The following CNTN5 variants were observed in gnomAD, a reference collection of about 807,000 sequenced individuals.
The protein encoded by CNTN5 is contactin 5, also known as contactin-5.
Under a neutral mutation model 129.1 loss-of-function variants are expected in CNTN5, and 77 were observed. The ratio of observed to expected loss-of-function variants is 0.60; its 90% CI spans 0.50 to 0.72. The LOEUF (loss-of-function observed/expected upper bound fraction) is 0.72. Ranked by LOEUF, CNTN5 falls within the 30% of genes least tolerant of loss-of-function variation. The probability of loss-of-function intolerance (pLI) is 0.00; values close to 1 mark genes in which losing one functional copy is unlikely to be tolerated. For synonymous variants in CNTN5, 509 were observed against 465.6 expected, an observed-to-expected ratio of 1.09 and a Z score of -1.20; for missense variants, 1,478 against 1,328.8, an observed-to-expected ratio of 1.11 and a Z score of -1.75.
chr11:99,253,453 A>C (rs1455704009), intron 1 of CNTN5, among the ~76,000 whole-genome samples: 1 of 152,060 alleles, frequency 6.6e-6, no homozygotes, highest in African/African-American at 2.4e-5. Flanking sequence ...TTTTGTAATA[A>C]ATTTGTATAC....
chr11:100,256,047 C>T, intron 17 of CNTN5, 129 bp downstream of exon 17: 1 of 802,968 alleles, frequency 1.2e-6, no homozygotes, highest in Middle Eastern at 3.0e-4. Context: ...ACAATATTGA[C>T]AATTCTTTGC....
intron 2 of CNTN5, among the ~76,000 whole-genome samples, chr11:99,530,920 C>A (rs1947679695): frequency 6.6e-6 from 1 of 152,180 alleles, no homozygotes; most frequent in Admixed American, 6.5e-5. Flanking sequence ...TCTTTATCAG[C>A]AGCATGAAAA....
intron 1 of CNTN5, among the ~76,000 whole-genome samples, chr11:99,144,287 C>A: frequency 6.6e-6 from 1 of 152,204 alleles, no homozygotes; most frequent in East Asian, 1.9e-4. Flanking sequence ...TATTTGGAAT[C>A]ATTCAAGGAA....
At chr11:99,885,029 T>A (rs1344988876) in intron 6 of CNTN5, among the ~76,000 whole-genome samples, 1 of 152,122 alleles carries the variant, frequency 6.6e-6, no homozygotes, top group Admixed American at 6.6e-5. Context: ...ACACCTGTAA[T>A]GACAGCACTC....
chr11:100,187,622 G>C (rs1452657754), intron 13 of CNTN5, among the ~76,000 whole-genome samples: 1 of 152,026 alleles, frequency 6.6e-6, no homozygotes, highest in Non-Finnish European at 1.5e-5. Flanking sequence ...ACTGAATAGA[G>C]AAACCAGAAA....
At chr11:99,340,286 A>C (rs1235945596) in intron 2 of CNTN5, among the ~76,000 whole-genome samples, 1 of 152,194 alleles carries the variant, frequency 6.6e-6, no homozygotes, top group Non-Finnish European at 1.5e-5. Flanking sequence ...TTAGCAGGAC[A>C]TATAAATTTG....
chr11:99,581,643 T>C (rs975573437), intron 3 of CNTN5, among the ~76,000 whole-genome samples: 1 of 152,224 alleles, frequency 6.6e-6, no homozygotes, highest in Non-Finnish European at 1.5e-5. Flanking sequence ...TATCCGAGAC[T>C]AGGATTGCAA....
intron 1 of CNTN5, among the ~76,000 whole-genome samples, chr11:99,071,912 A>T (rs1370406014): frequency 6.6e-6 from 1 of 151,902 alleles, no homozygotes; most frequent in Non-Finnish European, 1.5e-5. Flanking sequence ...GTTTAAGCTA[A>T]GGCATAAAGG....
chr11:99,971,894 C>T (rs926058663), intron 8 of CNTN5, among the ~76,000 whole-genome samples: 3 of 150,610 alleles, frequency 2.0e-5, no homozygotes, highest in African/African-American at 4.9e-5. Flanking sequence ...AGCAGGCCAG[C>T]ACTCAATAAT....
At chr11:99,834,927 C>T (rs1164027502) in intron 4 of CNTN5, among the ~76,000 whole-genome samples, 1 of 152,186 alleles carries the variant, frequency 6.6e-6, no homozygotes, top group Non-Finnish European at 1.5e-5. Context: ...TATTTGATAC[C>T]TTGTTTTCCT....
intron 3 of CNTN5, among the ~76,000 whole-genome samples, chr11:99,759,461 A>T (rs900724239): frequency 3.3e-5 from 5 of 152,040 alleles, no homozygotes; most frequent in African/African-American, 1.2e-4. Flanking sequence ...GAAGGCACGT[A>T]AACTGAAGCC....
At chr11:99,921,004 A>G (rs898254899) in intron 7 of CNTN5, among the ~76,000 whole-genome samples, 1 of 152,114 alleles carries the variant, frequency 6.6e-6, no homozygotes, top group Non-Finnish European at 1.5e-5. Flanking sequence ...CTCTTTCTCT[A>G]CTGAATGTGA....
In CNTN5 at chr11:99,073,510, CA is replaced by C. The variant is rs572193457; in HGVS notation, c.-210+52241del. ...CCCATCATCTAGGTTTTAAGCCTCG[CA>C]TGCATTAGGTATTTGTCCTAATGCT... On this transcript the variant is annotated intron_variant, in intron 1 of 24. Transcript: ENST00000524871. Among the ~76,000 whole-genome samples the C allele has an allele frequency of 8.2e-3, 1,241 of 151,254 alleles. 19 individuals carry two copies. Among genetic ancestry groups the C allele is most frequent in the African/African-American group, 0.028 (1,165 of 41,240 alleles).
chr11:99,992,359 T>C (rs1213043449), intron 8 of CNTN5, among the ~76,000 whole-genome samples: 1 of 152,208 alleles, frequency 6.6e-6, no homozygotes, highest in Non-Finnish European at 1.5e-5. Flanking sequence ...AGGTTGAATA[T>C]AATTTGCCTT....
intron 16 of CNTN5, among the ~76,000 whole-genome samples, chr11:100,237,203 A>G (rs972910329): frequency 6.6e-6 from 1 of 151,454 alleles, no homozygotes; most frequent in African/African-American, 2.4e-5. Context: ...AAAAAAAAAA[A>G]AAAAAGAAAA....
intron 7 of CNTN5, among the ~76,000 whole-genome samples, chr11:99,931,073 G>A (rs1441960914): frequency 2.4e-4 from 37 of 152,238 alleles, no homozygotes. Flanking sequence ...TTTGTAACAA[G>A]TGCTTTAACT....
chr11:99,955,161 C>T (rs1004027040), intron 7 of CNTN5, among the ~76,000 whole-genome samples: 21 of 150,454 alleles, frequency 1.4e-4, no homozygotes, highest in Non-Finnish European at 1.9e-4. Context: ...AGTAAATTAT[C>T]TAAAATAAAT....
chr11:99,477,809 C>G (rs1052722348), intron 2 of CNTN5, among the ~76,000 whole-genome samples: 1 of 151,006 alleles, frequency 6.6e-6, no homozygotes, highest in East Asian at 1.9e-4. Flanking sequence ...GTAATTATTT[C>G]CTTTAAAAAA....
intron 2 of CNTN5, among the ~76,000 whole-genome samples, chr11:99,552,015 C>T (rs1948502356): frequency 6.6e-6 from 1 of 150,554 alleles, no homozygotes; most frequent in African/African-American, 2.4e-5. Context: ...TCAAGTGATT[C>T]TCATGTCTCA....
Sources: allele counts gnomAD v4.1 joint callset (sites outside exome capture counted in the v4.1 genomes callset), GRCh38; gene constraint gnomAD v4.1.1; transcripts MANE v1.5; gene names NCBI Gene and HGNC (gene_info 2026-07-23, HGNC 2026-07-21).